Variants in MEGF11 observed in about 807,000 individuals in gnomAD.
MEGF11 encodes the protein multiple EGF like domains 11.
MEGF11 carries 126 observed loss-of-function variants against 146.6 expected under a neutral mutation model. That is an observed-to-expected ratio of 0.86 (90% CI 0.74 to 1.00). The LOEUF is 1.00. Among genes scored for constraint, MEGF11 ranks in the 50% least tolerant of loss-of-function variants. MEGF11 has a pLI of 0.00. For synonymous variants in MEGF11, 532 were observed against 583.4 expected, an observed-to-expected ratio of 0.91 and a Z score of 1.27; for missense variants, 1,509 against 1,521.2, an observed-to-expected ratio of 0.99 and a Z score of 0.13.
chr15:66,168,288 T>C (rs1269470335), intron 1 of MEGF11, among the ~76,000 whole-genome samples: 1 of 152,128 alleles, frequency 6.6e-6, no homozygotes, highest in Non-Finnish European at 1.5e-5. Context: ...TGGTAACTGC[T>C]GCCTCTCCTT....
intron 19 of MEGF11, among the ~76,000 whole-genome samples, chr15:65,914,666 T>C (rs2078932063): frequency 6.6e-6 from 1 of 152,218 alleles, no homozygotes; most frequent in Non-Finnish European, 1.5e-5. Context: ...GACTGTTGGC[T>C]GCTGGCTGAA....
At chr15:66,230,301 T>C (rs140501081) in intron 1 of MEGF11, among the ~76,000 whole-genome samples, 1,984 of 152,254 alleles carry the variant, frequency 0.013, 29 homozygotes, top group Non-Finnish European at 0.019. Context: ...CCAGGAACTG[T>C]GAGGCTGTTT....
At chr15:66,135,527 C>T (rs570430170) in intron 1 of MEGF11, among the ~76,000 whole-genome samples, 4 of 152,258 alleles carry the variant, frequency 2.6e-5, no homozygotes, top group Admixed American at 2.0e-4. Flanking sequence ...TTCAAAGCAC[C>T]GAGGCCCCTC....
chr15:65,908,911 A>C, intron 23 of MEGF11, 123 bp downstream of exon 23: 1 of 617,484 alleles, frequency 1.6e-6, no homozygotes, highest in Non-Finnish European at 2.9e-6. Context: ...TTGGGAGGGA[A>C]GAGGGCTTAA....
intron 1 of MEGF11, among the ~76,000 whole-genome samples, chr15:66,216,811 G>A (rs1343633203): frequency 6.6e-6 from 1 of 152,236 alleles, no homozygotes; most frequent in Non-Finnish European, 1.5e-5. Context: ...CTTCAGGACT[G>A]AGGCACTCAT....
intron 5 of MEGF11, among the ~76,000 whole-genome samples, chr15:66,047,960 T>A (rs2084283377): frequency 1.3e-5 from 2 of 150,380 alleles, no homozygotes; most frequent in African/African-American, 4.9e-5. Flanking sequence ...AGTGTTTTTT[T>A]TTTTTCTTTT....
At chr15:66,126,833 C>A (rs1218567438) in intron 2 of MEGF11, among the ~76,000 whole-genome samples, 1 of 152,194 alleles carries the variant, frequency 6.6e-6, no homozygotes, top group Non-Finnish European at 1.5e-5. Flanking sequence ...AAAGCCAGAA[C>A]GGGCAAGGGG....
intron 7 of MEGF11, among the ~76,000 whole-genome samples, chr15:65,976,997 G>A (rs111895436): frequency 7.2e-5 from 11 of 151,990 alleles, no homozygotes; most frequent in African/African-American, 1.2e-4. Flanking sequence ...GTGAAACCCC[G>A]TCTCTACTGA....
chr15:66,059,407 T>C (rs1213879002), intron 5 of MEGF11, among the ~76,000 whole-genome samples: 1 of 152,194 alleles, frequency 6.6e-6, no homozygotes, highest in South Asian at 2.1e-4. Flanking sequence ...ATTCGGCTAA[T>C]TGGGTTTTAA....
rs1205646057 is a variant in MEGF11 at position 65,909,058 on chromosome 15, G to T, written c.2974C>A (p.Arg992Ser). Residue 992 changes from arginine (R) to serine (S), a missense_variant, in exon 23 of 26, where the codon CGC (arginine) becomes AGC (serine). Physicochemically the swap from Arg to Ser is moderately radical, Grantham distance 110. Coordinates refer to ENST00000395614, the MANE Select transcript of MEGF11 (RefSeq NM_001385028.1). ...DFYIELRHLS[R>S]PAEPHSPGAC... ...CCTGGTGAGTGTGGCTCAGCGGGGC[G>T]GCTGAGGTGTCTAAGTTCAATGTAG... 2.0e-6 allele frequency: 3 copies of T among 1,535,268 alleles called. No homozygotes were observed. In the South Asian group the frequency reaches 3.6e-5, roughly 18 times the overall value.
chr15:66,185,073 G>A (rs900010190), intron 1 of MEGF11, among the ~76,000 whole-genome samples: 3 of 152,168 alleles, frequency 2.0e-5, no homozygotes, highest in African/African-American at 7.2e-5. Context: ...AGCCAACACA[G>A]TGCCTGGCAC....
At chr15:66,235,972 G>C (rs527598319) in intron 1 of MEGF11, among the ~76,000 whole-genome samples, 7 of 152,286 alleles carry the variant, frequency 4.6e-5, no homozygotes, top group African/African-American at 1.7e-4. Context: ...TCTCACTACA[G>C]TGTTGAGTGT....
intron 25 of MEGF11, chr15:65,898,491 C>A (rs1256947407): frequency 1.0e-6 from 1 of 985,368 alleles, no homozygotes; most frequent in Non-Finnish European, 1.2e-6. Flanking sequence ...TTCCCACCCC[C>A]AGTATTTGTT....
intron 7 of MEGF11, 69 bp from the exon 8 acceptor site, chr15:65,970,758 A>T (rs1422675075): frequency 7.2e-6 from 11 of 1,521,562 alleles, no homozygotes; most frequent in Non-Finnish European, 1.8e-6. Flanking sequence ...GGAATGGCAC[A>T]CCTGCTGTGG....
rs767520450 is a variant in MEGF11, at chr15:65,965,600, C to CTTTT, written c.900-484_900-481dup. Among the ~76,000 whole-genome samples, 11 of 18,878 alleles carry CTTTT rather than the reference C, an allele frequency of 5.8e-4. 1 individual carries two copies. The highest frequency in any genetic ancestry group is 3.1e-3 in the South Asian group (1 of 318). The allele number at this position is 18,878 out of a possible 152,430, so 12.4% of individuals were successfully genotyped here. On this transcript the variant is annotated intron_variant, in intron 8 of 25. Transcript: ENST00000395614. The stretch of plus-strand genomic sequence containing the variant: ...TCTTTCTTTCTTTCTTTCTTTCTTT[C>CTTTT]TTTTTTTTTTTTCTTTTTTTTTTTT...
chr15:66,030,998 A>C (rs2083495164), intron 5 of MEGF11, among the ~76,000 whole-genome samples: 1 of 152,218 alleles, frequency 6.6e-6, no homozygotes, highest in Non-Finnish European at 1.5e-5. Context: ...GCACTTGCCC[A>C]TTCTGTACCC....
chr15:65,971,240 C>T (rs1041563600), intron 7 of MEGF11: 2 of 153,218 alleles, frequency 1.3e-5, no homozygotes, highest in African/African-American at 4.8e-5. Flanking sequence ...GTGATAACTG[C>T]TTTGGTTTCT....
At chr15:66,016,129 A>G (rs1410465321) in intron 5 of MEGF11, among the ~76,000 whole-genome samples, 1 of 151,942 alleles carries the variant, frequency 6.6e-6, no homozygotes, top group Non-Finnish European at 1.5e-5. Context: ...TTTAAAAAAA[A>G]CCCACTCGGC....
intron 1 of MEGF11, among the ~76,000 whole-genome samples, chr15:66,202,391 C>T (rs1187520023): frequency 2.6e-5 from 4 of 152,190 alleles, no homozygotes; most frequent in African/African-American, 9.7e-5. Context: ...GCGGGCATGA[C>T]GGCCCTCCAT....
Sources: allele counts gnomAD v4.1 joint callset (sites outside exome capture counted in the v4.1 genomes callset), GRCh38; gene constraint gnomAD v4.1.1; transcripts MANE v1.5; gene names NCBI Gene and HGNC (gene_info 2026-07-23, HGNC 2026-07-21).